PIP4K2C: variants seen among roughly 807,000 people sequenced by gnomAD.
PIP4K2C encodes phosphatidylinositol 5-phosphate 4-kinase type-2 gamma.
A neutral mutation model predicts 45.0 loss-of-function variants in PIP4K2C; 21 were observed. The ratio of observed to expected loss-of-function variants is 0.47; its 90% CI spans 0.33 to 0.67. The LOEUF is 0.67. PIP4K2C is among the 30% of genes least tolerant of loss of function. PIP4K2C has a pLI of 0.02. For missense variants in PIP4K2C, 456 were observed against 542.8 expected, an observed-to-expected ratio of 0.84 and a Z score of 1.59; for synonymous variants, 201 against 204.8, an observed-to-expected ratio of 0.98 and a Z score of 0.16.
intron 7 of PIP4K2C, 24 bp from the exon 8 acceptor site, chr12:57,600,787 G>A: frequency 6.2e-7 from 1 of 1,613,374 alleles, no homozygotes; most frequent in Non-Finnish European, 8.5e-7. Flanking sequence ...AGAGAGAGGT[G>A]TCTGATTTGT....
At chr12:57,601,479 C>T (rs546599219) in intron 9 of PIP4K2C, 47 bp from the exon 10 acceptor site, 19 of 1,563,660 alleles carry the variant, frequency 1.2e-5, no homozygotes, top group African/African-American at 1.1e-4. Flanking sequence ...GTGATGGGGA[C>T]GGGTGCTAGG....
chr12:57,594,729 G>A (rs1361654182), intron 2 of PIP4K2C, among the ~76,000 whole-genome samples: 1 of 152,166 alleles, frequency 6.6e-6, no homozygotes, highest in Admixed American at 6.5e-5. Flanking sequence ...CAGCAGTTTG[G>A]GAGGCCAAGG....
At position 57,594,098 on chromosome 12, in the gene PIP4K2C, A is replaced by G; in HGVS notation, c.248A>G (p.Lys83Arg). Reference sequence around the variant, plus strand: ...GACTTTAAGGCCAGCTCCAAGATCAAGGTCAACAATCACCTTTTCCACAGG... The same window carrying G: ...GACTTTAAGGCCAGCTCCAAGATCAGGGTCAACAATCACCTTTTCCACAGG... ...PDDFKASSKI[K>R]VNNHLFHREN... Residue 83 changes from lysine (K) to arginine (R), a missense_variant, in exon 2 of 10, where the codon AAG (lysine) becomes AGG (arginine). Lys to Arg is a conservative substitution (Grantham distance 26). Transcript: ENST00000354947. 1.2e-6 allele frequency: 2 copies of G among 1,613,976 alleles called. No homozygotes were observed. Among genetic ancestry groups the G allele is most frequent in the Non-Finnish European group, 1.7e-6 (2 of 1,179,940 alleles).
chr12:57,596,503 TA>T (rs11459804), intron 4 of PIP4K2C, among the ~76,000 whole-genome samples: 29 of 143,716 alleles, frequency 2.0e-4, no homozygotes, highest in African/African-American at 6.9e-4. Context: ...AAAAAAAGAT[TA>T]AAAAAAAAAA....
At chr12:57,599,518 G>A (rs942399571) in intron 6 of PIP4K2C, 80 bp downstream of exon 6, 9 of 1,468,326 alleles carry the variant, frequency 6.1e-6, no homozygotes, top group African/African-American at 2.8e-5. Context: ...GGATGGAGAG[G>A]CCACTCTATA....
chr12:57,596,782 G>A (rs531416159), intron 4 of PIP4K2C, among the ~76,000 whole-genome samples: 47 of 152,264 alleles, frequency 3.1e-4, no homozygotes, highest in Non-Finnish European at 3.2e-4. Context: ...TTAGCACACC[G>A]CAAGATATAT....
chr12:57,596,156 C>A, intron 4 of PIP4K2C, 125 bp downstream of exon 4: 1 of 1,238,116 alleles, frequency 8.1e-7, no homozygotes, highest in South Asian at 1.4e-5. Context: ...TAATCATATC[C>A]AGCCCTAAAT....
intron 4 of PIP4K2C, chr12:57,598,144 C>T (rs1256186025): frequency 6.6e-6 from 1 of 152,226 alleles, no homozygotes; most frequent in African/African-American, 2.4e-5. Context: ...CTCCTGGGCT[C>T]AAGCGATCCT....
intron 1 of PIP4K2C, among the ~76,000 whole-genome samples, 160 bp downstream of exon 1, chr12:57,591,623 G>T (rs1442403398): frequency 6.6e-6 from 1 of 152,180 alleles, no homozygotes; most frequent in Non-Finnish European, 1.5e-5. Context: ...CCCCCAGCAG[G>T]TTTTCTGACT....
intron 1 of PIP4K2C, among the ~76,000 whole-genome samples, chr12:57,593,683 T>G (rs1361585931): frequency 1.0e-3 from 83 of 80,562 alleles, no homozygotes; most frequent in Non-Finnish European, 1.7e-3. Context: ...GAGTTTTTTT[T>G]TTTTTTTTTT....
rs747273151 is a variant in PIP4K2C at position 57,601,657 on chromosome 12, T to G, written c.*51T>G. ...TCAAGGTGGTGGGGTTCTGAGACAC[T>G]TGGGGGAATTGTGGGGATATTCTAG... On this transcript the variant is annotated 3_prime_UTR_variant, in exon 10 of 10. Coordinates refer to ENST00000354947, the MANE Select transcript of PIP4K2C (RefSeq NM_024779.5). The G allele has an allele frequency of 6.8e-7, 1 of 1,467,412 alleles. No individual in the cohort carries two copies. 90.9% of individuals were successfully genotyped at this position (1,467,412 alleles called of 1,614,324 possible).
Position 57,595,215 on chromosome 12 carries a change from A to G in PIP4K2C, c.362A>G (p.Asp121Gly). Residue 121 changes from aspartate to glycine, a missense_variant, in exon 3 of 10, where the codon GAT (aspartate) becomes GGT (glycine). Transcript: ENST00000354947. ...GATCGATTTGGCATTGATGACCAAG[A>G]TTACTTGGTGAGAGTCCATTAAGGG... is the stretch of plus-strand genomic sequence containing the variant. The part of the protein sequence containing the change: ...LRDRFGIDDQ[D>G]YLVSLTRNPP... 6.3e-7 allele frequency: 1 copy of G among 1,597,210 alleles called. No homozygotes were observed.
At chr12:57,594,531 T>G (rs1456653643) in intron 2 of PIP4K2C, among the ~76,000 whole-genome samples, 2 of 152,198 alleles carry the variant, frequency 1.3e-5, no homozygotes, top group Non-Finnish European at 2.9e-5. Flanking sequence ...TCTGACTTGC[T>G]TGAGATTTGG....
At chr12:57,595,569 G>A (rs1883153002) in intron 3 of PIP4K2C, among the ~76,000 whole-genome samples, 1 of 152,102 alleles carries the variant, frequency 6.6e-6, no homozygotes, top group Non-Finnish European at 1.5e-5. Context: ...GCCAGGTGTG[G>A]TGGCGCACGT....
chr12:57,592,658 C>G (rs565999670), intron 1 of PIP4K2C, among the ~76,000 whole-genome samples: 2 of 152,186 alleles, frequency 1.3e-5, no homozygotes, highest in East Asian at 3.9e-4. Flanking sequence ...GGATGCTTAA[C>G]AGGGAGGGTT....
intron 7 of PIP4K2C, 48 bp from the exon 8 acceptor site, chr12:57,600,763 A>G (rs1883392684): frequency 3.7e-6 from 6 of 1,608,442 alleles, no homozygotes; most frequent in Admixed American, 3.3e-5. Flanking sequence ...GGTGATACCT[A>G]GCAGTGAAGA....
Position 57,591,435 on chromosome 12 carries a change from GTGTGTTCC to G in PIP4K2C, c.151_158del (p.Phe51GlyfsTer8). The stretch of plus-strand genomic sequence containing the variant: ...TTCCGGGCGGCCGACCCGCTGGTGG[GTGTGTTCC>G]TGTGGGGCGTAGCCCACTCGGTGAG... On this transcript the variant is annotated frameshift_variant, in exon 1 of 10. Transcript: ENST00000354947. LOFTEE classifies it high-confidence loss of function. 1 of 1,613,404 alleles carries G rather than the reference GTGTGTTCC, an allele frequency of 6.2e-7. No individual in the cohort carries two copies. Among genetic ancestry groups the G allele is most frequent in the South Asian group, 1.1e-5 (1 of 90,998 alleles).
At chr12:57,592,688 G>C (rs554582024) in intron 1 of PIP4K2C, among the ~76,000 whole-genome samples, 2 of 152,038 alleles carry the variant, frequency 1.3e-5, no homozygotes, top group African/African-American at 4.8e-5. Flanking sequence ...TAAGGATTGG[G>C]GGAGTTACAT....
chr12:57,595,277 AC>A, intron 3 of PIP4K2C, 55 bp downstream of exon 3: 1 of 1,072,402 alleles, frequency 9.3e-7, no homozygotes, highest in South Asian at 1.3e-5. Context: ...ACTGAGGAGT[AC>A]TATTTGGGAC....
Sources: allele counts gnomAD v4.1 joint callset (sites outside exome capture counted in the v4.1 genomes callset), GRCh38; gene constraint gnomAD v4.1.1; transcripts MANE v1.5; gene names NCBI Gene and HGNC (gene_info 2026-07-23, HGNC 2026-07-21).